LRP1B: variants seen among roughly 807,000 people sequenced by gnomAD.
LRP1B encodes the protein low-density lipoprotein receptor-related protein 1B.
In LRP1B, 217 loss-of-function variants were observed where a neutral mutation model predicts 556.6. The observed-to-expected ratio is 0.39, with a 90% CI of 0.35 to 0.44. The LOEUF is 0.44. Ranked by LOEUF, LRP1B falls within the 20% of genes least tolerant of loss-of-function variation. The pLI is 1.00. For missense variants in LRP1B, 5,053 were observed against 5,620.8 expected (o/e 0.90, Z 3.23); for synonymous variants, 2,047 against 1,865.8 (o/e 1.10, Z -2.50).
At chr2:141,992,482 A>G (rs67471574) in intron 1 of LRP1B, among the ~76,000 whole-genome samples, 18,616 of 152,220 alleles carry the variant, frequency 0.12, 1,188 homozygotes, top group Admixed American at 0.15. Context: ...AAAAATGAGT[A>G]CAGTGGCTTC....
At chr2:141,107,130 T>C (rs2104954383) in intron 7 of LRP1B, among the ~76,000 whole-genome samples, 1 of 152,204 alleles carries the variant, frequency 6.6e-6, no homozygotes, top group African/African-American at 2.4e-5. Context: ...TTATGTGATT[T>C]ATAAAAAAAA....
At chr2:140,719,974 A>T (rs1377817302) in intron 35 of LRP1B, among the ~76,000 whole-genome samples, 1 of 152,098 alleles carries the variant, frequency 6.6e-6, no homozygotes, top group East Asian at 1.9e-4. Context: ...CAAAATAAAC[A>T]CAAAGTAGGT....
At chr2:140,251,567 C>A (rs1015902921) in intron 86 of LRP1B, among the ~76,000 whole-genome samples, 1 of 151,798 alleles carries the variant, frequency 6.6e-6, no homozygotes, top group African/African-American at 2.4e-5. Flanking sequence ...AAAGGTGAAC[C>A]TTAAAGCAAT....
At chr2:141,553,832 T>C (rs1685849911) in intron 2 of LRP1B, among the ~76,000 whole-genome samples, 5 of 137,470 alleles carry the variant, frequency 3.6e-5, no homozygotes, top group Admixed American at 1.5e-4. Context: ...TATAGGTATA[T>C]AATATATCTA....
chr2:142,037,358 GGTTTA>G lies in LRP1B; in HGVS notation c.82+93285_82+93289del, dbSNP rs143104508. On this transcript the variant is annotated intron_variant, in intron 1 of 90. Coordinates refer to ENST00000389484, the MANE Select transcript of LRP1B (RefSeq NM_018557.3). ...TGCACATTCTGCCGTTTTTAAGTCT[GGTTTA>G]GAACTTTAGAGGGACACAGCTGCAG... Among the ~76,000 whole-genome samples, 875 of 151,562 alleles carry G rather than the reference GGTTTA, an allele frequency of 5.8e-3. 9 individuals carry two copies. The highest frequency in any genetic ancestry group is 0.02 in the African/African-American group (846 of 41,420).
intron 27 of LRP1B, among the ~76,000 whole-genome samples, chr2:140,859,125 C>T (rs1404724231): frequency 6.6e-6 from 1 of 151,866 alleles, no homozygotes; most frequent in East Asian, 1.9e-4. Flanking sequence ...TGGCCTAGAT[C>T]TTAATATAGT....
intron 3 of LRP1B, among the ~76,000 whole-genome samples, chr2:141,424,707 A>G (rs1680285988): frequency 6.6e-6 from 1 of 152,132 alleles, no homozygotes; most frequent in African/African-American, 2.4e-5. Context: ...AGTTTGACTG[A>G]TTTTTGTTAT....
At chr2:141,370,420 A>G (rs1033046730) in intron 3 of LRP1B, among the ~76,000 whole-genome samples, 6 of 152,074 alleles carry the variant, frequency 3.9e-5, no homozygotes, top group African/African-American at 1.4e-4. Context: ...ATGTTTTTTC[A>G]TAGACTTCTT....
intron 2 of LRP1B, among the ~76,000 whole-genome samples, chr2:141,552,026 C>T (rs1685768151): frequency 6.6e-6 from 1 of 151,958 alleles, no homozygotes; most frequent in African/African-American, 2.4e-5. Context: ...TGAGAATAAT[C>T]ACAGTGTGAT....
At chr2:141,925,903 G>C (rs917039068) in intron 1 of LRP1B, among the ~76,000 whole-genome samples, 7 of 152,030 alleles carry the variant, frequency 4.6e-5, no homozygotes, top group Admixed American at 3.9e-4. Context: ...TAACATCTTC[G>C]AATCTCAACT....
intron 27 of LRP1B, among the ~76,000 whole-genome samples, chr2:140,856,213 C>T (rs1473426896): frequency 6.6e-6 from 1 of 152,204 alleles, no homozygotes; most frequent in African/African-American, 2.4e-5. Context: ...TTTCCACCTC[C>T]ACATGATGTA....
intron 27 of LRP1B, among the ~76,000 whole-genome samples, chr2:140,855,380 G>A (rs2105129421): frequency 6.7e-6 from 1 of 148,968 alleles, no homozygotes; most frequent in South Asian, 2.1e-4. Flanking sequence ...TAAAAATTTG[G>A]GGCCAGGCAC....
intron 29 of LRP1B, among the ~76,000 whole-genome samples, chr2:140,845,240 T>C (rs547025117): frequency 3.3e-4 from 51 of 152,272 alleles, no homozygotes; most frequent in South Asian, 6.2e-4. Flanking sequence ...TCCACTGTGC[T>C]AGTAAAGATT....
chr2:141,558,596 T>C (rs554373319), intron 2 of LRP1B, among the ~76,000 whole-genome samples: 1 of 151,836 alleles, frequency 6.6e-6, no homozygotes, highest in Non-Finnish European at 1.5e-5. Flanking sequence ...CTTGAGTTTT[T>C]AAGTCCAAGA....
intron 3 of LRP1B, among the ~76,000 whole-genome samples, chr2:141,305,690 A>G (rs1460851655): frequency 6.6e-6 from 1 of 152,086 alleles, no homozygotes; most frequent in Non-Finnish European, 1.5e-5. Flanking sequence ...AAGGCTTTAA[A>G]CTTTTCCACA....
chr2:141,228,805 G>T (rs1683351254), intron 6 of LRP1B, among the ~76,000 whole-genome samples: 1 of 151,862 alleles, frequency 6.6e-6, no homozygotes, highest in Non-Finnish European at 1.5e-5. Context: ...ATTATTTAAG[G>T]TATTTTTAAC....
At chr2:141,815,320 G>T (rs1696500486) in intron 1 of LRP1B, among the ~76,000 whole-genome samples, 1 of 152,210 alleles carries the variant, frequency 6.6e-6, no homozygotes, top group African/African-American at 2.4e-5. Flanking sequence ...TTAGAAATTT[G>T]AAGAAGGTAG....
At chr2:141,111,604 T>C (rs1271904928) in intron 7 of LRP1B, among the ~76,000 whole-genome samples, 2 of 152,158 alleles carry the variant, frequency 1.3e-5, no homozygotes, top group Admixed American at 1.3e-4. Flanking sequence ...GGGAATACGG[T>C]GGAGCCACCA....
chr2:141,018,690 T>A (rs770311452), intron 12 of LRP1B, among the ~76,000 whole-genome samples: 2 of 152,164 alleles, frequency 1.3e-5, no homozygotes, highest in Non-Finnish European at 2.9e-5. Flanking sequence ...TAAGATAGAT[T>A]TGAAATTTCT....
Sources: allele counts gnomAD v4.1 joint callset (sites outside exome capture counted in the v4.1 genomes callset), GRCh38; gene constraint gnomAD v4.1.1; transcripts MANE v1.5; gene names NCBI Gene and HGNC (gene_info 2026-07-23, HGNC 2026-07-21).